ITPR2: variants seen among roughly 807,000 people sequenced by gnomAD.
ITPR2 encodes the protein inositol 1,4,5-trisphosphate receptor type 2, also known as inositol 1,4,5-trisphosphate-gated calcium channel ITPR2.
Under a neutral mutation model 317.1 loss-of-function variants are expected in ITPR2, and 207 were observed. The ratio of observed to expected loss-of-function variants is 0.65; its 90% CI spans 0.58 to 0.73. The LOEUF (loss-of-function observed/expected upper bound fraction) is 0.73, where lower values mean the gene tolerates loss of function less well. ITPR2 is among the 30% of genes least tolerant of loss of function. The probability of loss-of-function intolerance (pLI) is 0.00; values close to 1 mark genes in which losing one functional copy is unlikely to be tolerated. For missense variants in ITPR2, 2,613 were observed against 3,284.0 expected (o/e 0.80, Z 4.99); for synonymous variants, 1,156 against 1,149.1 (o/e 1.01, Z -0.12).
rs373072928 is a variant in ITPR2, at chr12:26,545,544, C to T, written c.5073+4703G>A. ...TGCAGAAGGAACACACTACTGCTCACACCTTGATTTTAAGCTCTTGACTTT... is the reference window on the plus strand; with the variant it reads ...TGCAGAAGGAACACACTACTGCTCATACCTTGATTTTAAGCTCTTGACTTT... On this transcript the variant is annotated intron_variant, in intron 37 of 56. Coordinates refer to ENST00000381340, the MANE Select transcript of ITPR2 (RefSeq NM_002223.4). Among the ~76,000 whole-genome samples, 9 of 152,272 alleles carry T rather than the reference C, an allele frequency of 5.9e-5. 1 individual carries two copies. Among genetic ancestry groups the T allele is most frequent in the African/African-American group, 2.2e-4 (9 of 41,554 alleles).
intron 1 of ITPR2, among the ~76,000 whole-genome samples, chr12:26,811,119 G>C (rs1173920882): frequency 6.7e-6 from 1 of 150,272 alleles, no homozygotes; most frequent in Admixed American, 6.6e-5. Context: ...ATTGTAGTCA[G>C]ATATTTGGAG....
Position 26,597,091 on chromosome 12 carries a change from C to T in ITPR2, c.4046G>A (p.Arg1349Lys). 1 of 1,613,442 alleles carries T rather than the reference C, an allele frequency of 6.2e-7. No homozygotes were observed. Among genetic ancestry groups the T allele is most frequent in the Non-Finnish European group, 8.5e-7 (1 of 1,179,468 alleles). Reference sequence around the variant, plus strand: ...ATGGAGAAGGATTGGAAATGATGCTCTATCATTGTAAAATATCAGCACGTC... The same window carrying T: ...ATGGAGAAGGATTGGAAATGATGCTTTATCATTGTAAAATATCAGCACGTC... ...GEDVLIFYND[R>K]ASFPILLHMM... Residue 1349 changes from arginine to lysine, a missense_variant, in exon 31 of 57, where the codon AGA becomes AAA. Arg to Lys is a conservative substitution (Grantham distance 26, BLOSUM62 2). Coordinates refer to ENST00000381340, the MANE Select transcript of ITPR2 (RefSeq NM_002223.4).
intron 1 of ITPR2, among the ~76,000 whole-genome samples, chr12:26,792,854 A>T (rs767694908): frequency 5.3e-4 from 80 of 152,074 alleles, no homozygotes; most frequent in Non-Finnish European, 1.1e-3. Flanking sequence ...CTCCATGTGG[A>T]TATTTACCAG....
chr12:26,468,384 C>A (rs1194174849), intron 45 of ITPR2, among the ~76,000 whole-genome samples: 1 of 151,992 alleles, frequency 6.6e-6, no homozygotes, highest in East Asian at 1.9e-4. Context: ...AAGTTAAGAG[C>A]AGTTGAATAA....
chr12:26,664,037 C>G (rs1395393228), intron 14 of ITPR2, among the ~76,000 whole-genome samples, 191 bp from the exon 15 acceptor site: 3 of 152,096 alleles, frequency 2.0e-5, no homozygotes, highest in African/African-American at 7.2e-5. Context: ...CCAAAAGGGT[C>G]ACCTACATTG....
At chr12:26,560,002 C>T (rs1268553760) in intron 35 of ITPR2, among the ~76,000 whole-genome samples, 1 of 152,208 alleles carries the variant, frequency 6.6e-6, no homozygotes, top group Non-Finnish European at 1.5e-5. Context: ...AGTTAGAATG[C>T]ATGTCCCAGA....
intron 2 of ITPR2, among the ~76,000 whole-genome samples, chr12:26,757,923 G>A (rs1240300927): frequency 6.6e-6 from 1 of 152,150 alleles, no homozygotes; most frequent in Non-Finnish European, 1.5e-5. Context: ...GGGTGGAAAG[G>A]GCTGCTGTGA....
At chr12:26,540,780 C>CT (rs1410342072) in intron 37 of ITPR2, among the ~76,000 whole-genome samples, 14 of 152,020 alleles carry the variant, frequency 9.2e-5, no homozygotes, top group African/African-American at 2.4e-4. Context: ...CTTTTATAGT[C>CT]TAACAAGTGA....
chr12:26,436,399 A>C, intron 47 of ITPR2, 53 bp from the exon 48 acceptor site: 1 of 1,535,052 alleles, frequency 6.5e-7, no homozygotes, highest in Non-Finnish European at 8.8e-7. Flanking sequence ...TTTTGGTTTC[A>C]ACACATGAAG....
chr12:26,757,303 C>T (rs1294589881), intron 2 of ITPR2, among the ~76,000 whole-genome samples: 1 of 151,856 alleles, frequency 6.6e-6, no homozygotes, highest in African/African-American at 2.4e-5. Context: ...GCAACCTCCG[C>T]CTCCTGGGTT....
chr12:26,525,305 G>C (rs1943782636), intron 37 of ITPR2, among the ~76,000 whole-genome samples: 1 of 152,068 alleles, frequency 6.6e-6, no homozygotes, highest in Non-Finnish European at 1.5e-5. Context: ...AACTTCCTTT[G>C]AATACTTTTT....
intron 52 of ITPR2, among the ~76,000 whole-genome samples, chr12:26,403,605 G>C (rs1331193555): frequency 6.6e-6 from 1 of 152,078 alleles, no homozygotes; most frequent in East Asian, 1.9e-4. Context: ...GTGACAGAGA[G>C]ACTCTGTCTC....
At chr12:26,468,717 T>C (rs1304078517) in intron 45 of ITPR2, among the ~76,000 whole-genome samples, 2 of 152,178 alleles carry the variant, frequency 1.3e-5, no homozygotes, top group African/African-American at 4.8e-5. Context: ...CTATAAATTA[T>C]CAAAGCTTTA....
chr12:26,351,242 C>G (rs1938475536), intron 55 of ITPR2, among the ~76,000 whole-genome samples: 1 of 152,210 alleles, frequency 6.6e-6, no homozygotes, highest in South Asian at 2.1e-4. Flanking sequence ...GCTCCCAGAA[C>G]TGCTCTCAGC....
chr12:26,693,412 A>G (rs1948276643), intron 10 of ITPR2, among the ~76,000 whole-genome samples: 1 of 152,172 alleles, frequency 6.6e-6, no homozygotes, highest in African/African-American at 2.4e-5. Context: ...GAACCTCCAT[A>G]CCCTATGTAG....
intron 1 of ITPR2, among the ~76,000 whole-genome samples, chr12:26,805,233 G>A (rs946623229): frequency 2.0e-5 from 3 of 152,236 alleles, no homozygotes; most frequent in South Asian, 2.1e-4. Flanking sequence ...TGGGAAAGTC[G>A]TTTCTCTGGC....
intron 43 of ITPR2, among the ~76,000 whole-genome samples, chr12:26,480,574 G>A (rs1942523549): frequency 6.6e-6 from 1 of 152,116 alleles, no homozygotes; most frequent in Non-Finnish European, 1.5e-5. Flanking sequence ...GGGCACGATG[G>A]CTCACACTTG....
intron 55 of ITPR2, among the ~76,000 whole-genome samples, chr12:26,348,239 T>C (rs533745798): frequency 6.6e-6 from 1 of 152,346 alleles, no homozygotes; most frequent in Non-Finnish European, 1.5e-5. Flanking sequence ...GCCTACTTAC[T>C]GGAAGATCCC....
intron 1 of ITPR2, chr12:26,801,084 TAAAA>T (rs1950548605): frequency 5.1e-6 from 1 of 195,720 alleles, no homozygotes; most frequent in African/African-American, 2.3e-5. Context: ...TGCTGTGGCC[TAAAA>T]CGAGGAGGGT....
Sources: gnomAD v4.1 joint callset for allele counts (sites outside exome capture counted in the v4.1 genomes callset) on GRCh38, gnomAD v4.1.1 for gene constraint, MANE v1.5 for transcripts, NCBI Gene and HGNC (gene_info 2026-07-23, HGNC 2026-07-21) for gene names.